Variants in DISC1 observed in about 807,000 individuals in gnomAD.
DISC1 encodes disrupted in schizophrenia 1 protein.
A neutral mutation model predicts 84.5 loss-of-function variants in DISC1; 57 were observed. The ratio of observed to expected loss-of-function variants is 0.67; its 90% CI spans 0.55 to 0.84. The LOEUF (loss-of-function observed/expected upper bound fraction) is 0.84. Among genes scored for constraint, DISC1 ranks in the 40% least tolerant of loss-of-function variants. The pLI, the probability that DISC1 is intolerant of heterozygous loss-of-function variation, is 0.00. For synonymous variants in DISC1, 411 were observed against 415.2 expected (o/e 0.99, Z 0.12); for missense variants, 1,000 against 1,057.8 (o/e 0.95, Z 0.76).
chr1:232,002,243 G>T (rs1312748533), intron 10 of DISC1, among the ~76,000 whole-genome samples: 2 of 152,166 alleles, frequency 1.3e-5, no homozygotes, highest in Non-Finnish European at 2.9e-5. Flanking sequence ...TGGTGAGGAT[G>T]CAGAGAAACA....
chr1:231,793,818 T>G (rs72758652), intron 6 of DISC1, among the ~76,000 whole-genome samples: 15,977 of 152,258 alleles, frequency 0.1, 1,002 homozygotes, highest in Non-Finnish European at 0.14. Flanking sequence ...TTTAAAAATA[T>G]TTTAATTGTA....
intron 9 of DISC1, among the ~76,000 whole-genome samples, chr1:231,951,151 C>T (rs1658304209): frequency 6.6e-6 from 1 of 152,180 alleles, no homozygotes; most frequent in African/African-American, 2.4e-5. Context: ...CCTTTGCCAG[C>T]ATGAAGTTAC....
Position 232,037,067 on chromosome 1 carries a change from A to G in DISC1, c.*236A>G. On this transcript the variant is annotated 3_prime_UTR_variant, in exon 13 of 13. Transcript: ENST00000439617. ...GAATTTCCTTCTAAATGTCACTCAA[A>G]AATTTCTTTTCCATGTCATTCTTGG... The G allele has an allele frequency of 2.8e-6, 1 of 354,546 alleles. No individual in the cohort carries two copies. The highest frequency in any genetic ancestry group is 4.9e-6 in the Non-Finnish European group (1 of 203,472). The allele number at this position is 354,546 out of a possible 1,614,324, so 22.0% of individuals were successfully genotyped here.
chr1:231,765,960 A>G (rs931948433), intron 4 of DISC1, among the ~76,000 whole-genome samples: 1 of 152,124 alleles, frequency 6.6e-6, no homozygotes, highest in Non-Finnish European at 1.5e-5. Context: ...AGTGTGAGCC[A>G]TATACACAAT....
intron 5 of DISC1, among the ~76,000 whole-genome samples, chr1:231,768,388 G>C (rs2076313708): frequency 6.6e-6 from 1 of 152,060 alleles, no homozygotes; most frequent in South Asian, 2.1e-4. Flanking sequence ...GGCAAAGGGA[G>C]GAAAAAGTCA....
intron 6 of DISC1, among the ~76,000 whole-genome samples, chr1:231,777,147 C>A (rs16854957): frequency 0.18 from 26,736 of 152,154 alleles, 2,670 homozygotes; most frequent in African/African-American, 0.27. Context: ...GAGCATTAGA[C>A]ATCATCTGGA....
chr1:231,923,662 G>C (rs1451793884), intron 9 of DISC1, among the ~76,000 whole-genome samples: 1 of 152,212 alleles, frequency 6.6e-6, no homozygotes, highest in African/African-American at 2.4e-5. Flanking sequence ...CGCTGACGCT[G>C]TTTCCTAGGG....
chr1:231,958,306 A>G (rs1659872037), intron 9 of DISC1, among the ~76,000 whole-genome samples: 1 of 152,232 alleles, frequency 6.6e-6, no homozygotes, highest in African/African-American at 2.4e-5. Context: ...AGAGTAGCTG[A>G]TCTCATCACT....
chr1:231,704,864 G>A (rs928485117), intron 3 of DISC1, among the ~76,000 whole-genome samples: 1 of 151,472 alleles, frequency 6.6e-6, no homozygotes, highest in Non-Finnish European at 1.5e-5. Context: ...CGCATACTGC[G>A]AGCCTGTGAG....
At chr1:231,914,944 G>T (rs2089504778) in intron 9 of DISC1, among the ~76,000 whole-genome samples, 1 of 152,194 alleles carries the variant, frequency 6.6e-6, no homozygotes, top group Admixed American at 6.5e-5. Context: ...GCAGAAGAGG[G>T]CTAATAAAGA....
At chr1:231,785,850 C>A (rs1307732971) in intron 6 of DISC1, among the ~76,000 whole-genome samples, 1 of 152,200 alleles carries the variant, frequency 6.6e-6, no homozygotes, top group Non-Finnish European at 1.5e-5. Flanking sequence ...CTCATATACA[C>A]AGGCAGGAAG....
At chr1:231,751,548 A>G (rs1435546842) in intron 4 of DISC1, among the ~76,000 whole-genome samples, 1 of 152,182 alleles carries the variant, frequency 6.6e-6, no homozygotes, top group African/African-American at 2.4e-5. Flanking sequence ...AATGTTGTGC[A>G]ATCATCACCA....
intron 12 of DISC1, among the ~76,000 whole-genome samples, chr1:232,027,962 G>A (rs1669632648): frequency 6.6e-6 from 1 of 152,028 alleles, no homozygotes; most frequent in Non-Finnish European, 1.5e-5. Flanking sequence ...ATTAAGCTGG[G>A]CAGAAAATTT....
At position 232,009,300 on chromosome 1, in the gene DISC1, G is replaced by A. The variant is rs879616939; in HGVS notation, c.2307+251G>A. ...CATTTTCATTCTAATTTAGTGGCTA[G>A]AATTAGAATATGCAGTCTAATATAG... On this transcript the variant is annotated intron_variant, in intron 11 of 12. Coordinates refer to ENST00000439617, the MANE Select transcript of DISC1 (RefSeq NM_018662.3). This position sits in a 1 kb window ranked among gnomAD's most constrained non-coding sequence, Gnocchi z 4.6. The A allele has an allele frequency of 8.2e-4, 1,054 of 1,279,454 alleles. 2 individuals carry two copies. The highest frequency in any genetic ancestry group is 8.3e-4 in the Non-Finnish European group (840 of 1,006,910). The allele number at this position is 1,279,454 out of a possible 1,614,324, so 79.3% of individuals were successfully genotyped here.
intron 1 of DISC1, among the ~76,000 whole-genome samples, chr1:231,668,281 G>C (rs1465097868): frequency 1.3e-5 from 2 of 152,140 alleles, no homozygotes; most frequent in African/African-American, 4.8e-5. Context: ...ATACAATGCA[G>C]TGTTTGTTAG....
At chr1:231,650,663 A>G (rs187277919) in intron 1 of DISC1, among the ~76,000 whole-genome samples, 4 of 152,276 alleles carry the variant, frequency 2.6e-5, no homozygotes, top group East Asian at 3.9e-4. Context: ...GTGTTTTCCA[A>G]CTTGGTTCCA....
At chr1:231,962,836 C>G (rs948628382) in intron 10 of DISC1, among the ~76,000 whole-genome samples, 1 of 152,200 alleles carries the variant, frequency 6.6e-6, no homozygotes, top group Non-Finnish European at 1.5e-5. Flanking sequence ...CACCACCCAC[C>G]TGGCTGCCTG....
chr1:231,647,375 G>T (rs1000874855), intron 1 of DISC1, among the ~76,000 whole-genome samples: 1 of 152,168 alleles, frequency 6.6e-6, no homozygotes, highest in African/African-American at 2.4e-5. Flanking sequence ...GATGGTTGTA[G>T]ATGTGTGGTG....
Position 231,646,507 on chromosome 1 carries a change from T to G in DISC1, c.67+19573T>G, listed in dbSNP as rs963016635. On this transcript the variant is annotated intron_variant, in intron 1 of 12. Transcript: ENST00000439617. ...TCTAGTAGCATGATTTATAATCCTT[T>G]GGGTATATAAATAGCAATTTTGCTA... Among the ~76,000 whole-genome samples, 3 of 152,192 alleles carry G rather than the reference T, an allele frequency of 2.0e-5. No individual in the cohort carries two copies. In the South Asian group the frequency reaches 6.2e-4, roughly 32 times the overall value.
Sources: allele counts gnomAD v4.1 joint callset (sites outside exome capture counted in the v4.1 genomes callset), GRCh38; gene constraint gnomAD v4.1.1; non-coding constraint Gnocchi (gnomAD v3.1); transcripts MANE v1.5; gene names NCBI Gene and HGNC (gene_info 2026-07-23, HGNC 2026-07-21).